The following EVC2 variants were observed in gnomAD, a reference collection of about 807,000 sequenced individuals.
EVC2 encodes the protein EvC ciliary complex subunit 2, also known as limbin.
A neutral mutation model predicts 149.3 loss-of-function variants in EVC2; 148 were observed. The observed-to-expected ratio is 0.99, with a 90% confidence interval of 0.87 to 1.14. The LOEUF (loss-of-function observed/expected upper bound fraction) is 1.14, where lower values mean the gene tolerates loss of function less well. EVC2 is among the 50% of genes most tolerant of loss of function. The probability of loss-of-function intolerance (pLI) is 0.00; values close to 1 mark genes in which losing one functional copy is unlikely to be tolerated. For missense variants in EVC2, 1,854 were observed against 1,627.3 expected, an observed-to-expected ratio of 1.14 and a Z score of -2.40; for synonymous variants, 776 against 649.9, an observed-to-expected ratio of 1.19 and a Z score of -2.95.
chr4:5,608,923 C>T (rs189342132), intron 16 of EVC2, among the ~76,000 whole-genome samples: 60 of 152,232 alleles, frequency 3.9e-4, no homozygotes, highest in Middle Eastern at 3.4e-3. Context: ...CTGAATAGAA[C>T]AGAAAGTTGG....
chr4:5,705,544 T>TA (rs1460227382), intron 1 of EVC2, among the ~76,000 whole-genome samples: 5 of 151,972 alleles, frequency 3.3e-5, no homozygotes, highest in Non-Finnish European at 7.3e-5. Context: ...AATAGCATTT[T>TA]TTTTTGAAAA....
intron 21 of EVC2, among the ~76,000 whole-genome samples, chr4:5,556,997 G>A (rs907766235): frequency 2.0e-5 from 3 of 152,148 alleles, no homozygotes; most frequent in South Asian, 2.1e-4. Flanking sequence ...TTTAGTAAAC[G>A]TTTAAGGAAG....
At chr4:5,661,906 G>A (rs1718900800) in intron 9 of EVC2, among the ~76,000 whole-genome samples, 1 of 152,186 alleles carries the variant, frequency 6.6e-6, no homozygotes, top group South Asian at 2.1e-4. Flanking sequence ...TACTTCATGG[G>A]CTTGTTAAGA....
At chr4:5,683,943 A>AAC (rs1304130529) in intron 6 of EVC2, among the ~76,000 whole-genome samples, 1 of 151,384 alleles carries the variant, frequency 6.6e-6, no homozygotes, top group Non-Finnish European at 1.5e-5. Context: ...GCTGCCCGGG[A>AAC]ACACACACAG....
chr4:5,682,298 C>G (rs1275058170), intron 6 of EVC2, among the ~76,000 whole-genome samples: 1 of 151,812 alleles, frequency 6.6e-6, no homozygotes, highest in African/African-American at 2.4e-5. Flanking sequence ...CAAGACCAGC[C>G]TGGCCAATGT....
In EVC2 at chr4:5,681,250, T is replaced by G. The variant is rs779971622; in HGVS notation, c.870+10A>C. The stretch of plus-strand genomic sequence containing the variant: ...TCCTGAGGGTGCTCAGGGCATGTCA[T>G]GTCTCTTACCGTTACGTTTTCTTCT... On this transcript the variant is annotated intron_variant, in intron 7 of 21. Transcript: ENST00000344408. 2 of 1,614,120 alleles carry G rather than the reference T, an allele frequency of 1.2e-6. No homozygotes were observed. Among genetic ancestry groups the G allele is most frequent in the Non-Finnish European group, 1.7e-6 (2 of 1,180,044 alleles).
the EVC2 span, among the ~76,000 whole-genome samples, chr4:5,535,363 T>C: frequency 0.015 from 2,309 of 152,234 alleles, 40 homozygotes; most frequent in African/African-American, 0.051. This position sits in a 1 kb window ranked among gnomAD's most constrained non-coding sequence, Gnocchi z 4.7. Flanking sequence ...TTTCTGTGAG[T>C]TCGTCTGATT....
chr4:5,535,625 G>GAGAGAGAT, the EVC2 span, among the ~76,000 whole-genome samples: 12 of 150,570 alleles, frequency 8.0e-5, 1 homozygote, highest in African/African-American at 3.0e-4. The surrounding 1 kb of genome is among the most constrained non-coding windows in gnomAD (Gnocchi z 4.7). Flanking sequence ...GAGAGAGAGA[G>GAGAGAGAT]AGAGAGAGAA....
intron 16 of EVC2, among the ~76,000 whole-genome samples, chr4:5,610,625 G>A (rs1324195748): frequency 6.6e-6 from 1 of 151,952 alleles, no homozygotes; most frequent in Non-Finnish European, 1.5e-5. Context: ...TGCCAAGACA[G>A]GCTCAGGGCA....
At chr4:5,659,635 G>C (rs1718753025) in intron 9 of EVC2, among the ~76,000 whole-genome samples, 1 of 152,098 alleles carries the variant, frequency 6.6e-6, no homozygotes, top group Non-Finnish European at 1.5e-5. Context: ...CAAGAGAAAT[G>C]AATATATAAT....
In EVC2 at chr4:5,622,859, G is replaced by A. The variant is rs755359832; in HGVS notation, c.2179C>T (p.Arg727Cys). 21 of 1,614,110 alleles carry A rather than the reference G, an allele frequency of 1.3e-5. No homozygotes were observed. The highest frequency in any genetic ancestry group is 1.1e-4 in the African/African-American group (8 of 75,022). The change falls in exon 14 of 22, where the codon CGT becomes TGT. Residue 727 changes from arginine (R) to cysteine (C), a missense_variant. By Grantham distance (180) the Arg-to-Cys change is radical. Coordinates refer to ENST00000344408, the MANE Select transcript of EVC2 (RefSeq NM_147127.5). This position sits in a 1 kb window ranked among gnomAD's most constrained non-coding sequence, Gnocchi z 5.8. ...TCGTCCAGGGCGGCCTGGTCCAGAC[G>A]CTCCTGCAGCTCCTCCAGGGTGGCA... The part of the protein sequence containing the change: ...HGATLEELQE[R>C]LDQAALDDLR...
At chr4:5,646,104 T>C (rs912153922) in intron 9 of EVC2, among the ~76,000 whole-genome samples, 2 of 152,172 alleles carry the variant, frequency 1.3e-5, no homozygotes. Flanking sequence ...GCTAATTTTG[T>C]ATTTCTAGTA....
intron 21 of EVC2, among the ~76,000 whole-genome samples, chr4:5,546,880 G>A (rs911640821): frequency 9.2e-5 from 14 of 152,160 alleles, no homozygotes; most frequent in Non-Finnish European, 1.9e-4. Flanking sequence ...CCAGGGACAA[G>A]TGGGAGCCCT....
At chr4:5,555,173 G>A (rs1721816955) in intron 21 of EVC2, among the ~76,000 whole-genome samples, 1 of 151,890 alleles carries the variant, frequency 6.6e-6, no homozygotes, top group South Asian at 2.1e-4. Flanking sequence ...GATATGTTAA[G>A]AGAGGAGATA....
the EVC2 span, among the ~76,000 whole-genome samples, chr4:5,534,011 G>A: frequency 1.3e-5 from 2 of 152,170 alleles, no homozygotes; most frequent in East Asian, 1.9e-4. Context: ...TATCCTTCAC[G>A]GTCTCATAGG....
chr4:5,541,090 G>A (rs1721503414), downstream of EVC2, among the ~76,000 whole-genome samples: 1 of 152,228 alleles, frequency 6.6e-6, no homozygotes, highest in South Asian at 2.1e-4. Context: ...ACAGCAGAGT[G>A]TTAGGTGACT....
chr4:5,539,680 G>GA (rs1476263706), downstream of EVC2, among the ~76,000 whole-genome samples: 1 of 151,992 alleles, frequency 6.6e-6, no homozygotes, highest in Non-Finnish European at 1.5e-5. Context: ...CAATTCCATG[G>GA]AAAAAACAGT....
At chr4:5,668,618 G>A (rs1055237908) in intron 7 of EVC2, among the ~76,000 whole-genome samples, 8 of 152,100 alleles carry the variant, frequency 5.3e-5, no homozygotes, top group African/African-American at 1.9e-4. Flanking sequence ...TGATGGAAAG[G>A]AAACTAAAAA....
chr4:5,699,781 C>T (rs1409902402), intron 1 of EVC2, among the ~76,000 whole-genome samples: 1 of 151,724 alleles, frequency 6.6e-6, no homozygotes, highest in Admixed American at 6.6e-5. Flanking sequence ...TATGATCATG[C>T]CACTGCACTC....
Sources: allele counts gnomAD v4.1 joint callset (sites outside exome capture counted in the v4.1 genomes callset), GRCh38; gene constraint gnomAD v4.1.1; non-coding constraint Gnocchi (gnomAD v3.1); transcripts MANE v1.5; gene names NCBI Gene and HGNC (gene_info 2026-07-23, HGNC 2026-07-21).